CGNL1: variants seen among roughly 807,000 people sequenced by gnomAD.
CGNL1 encodes the protein cingulin like 1.
Under a neutral mutation model 141.2 loss-of-function variants are expected in CGNL1, and 132 were observed. That is an observed-to-expected ratio of 0.93 (90% CI 0.81 to 1.08). CGNL1 has a LOEUF of 1.08. Among genes scored for constraint, CGNL1 ranks in the 50% least tolerant of loss-of-function variants. CGNL1 has a pLI of 0.00. For synonymous variants in CGNL1, 690 were observed against 622.1 expected, an observed-to-expected ratio of 1.11 and a Z score of -1.63; for missense variants, 1,870 against 1,588.6, an observed-to-expected ratio of 1.18 and a Z score of -3.01.
rs141215118 is a variant in CGNL1, at chr15:57,486,396, C to T, written c.2403+24504C>T. 4.3e-3 allele frequency among the ~76,000 whole-genome samples: 648 copies of T among 152,134 alleles called. 3 individuals carry two copies. Among genetic ancestry groups the T allele is most frequent in the African/African-American group, 0.015 (606 of 41,482 alleles). ...AGGAAGAGGGGGTCAAATAAATCAGCGAGAAAGAGAGAAACAGTTGGAAAG... is the reference window on the plus strand; with the variant it reads ...AGGAAGAGGGGGTCAAATAAATCAGTGAGAAAGAGAGAAACAGTTGGAAAG... On this transcript the variant is annotated intron_variant, in intron 8 of 18. Transcript: ENST00000281282.
chr15:57,545,562 G>A (rs2032811977), intron 16 of CGNL1, 30 bp from the exon 17 acceptor site: 2 of 1,594,448 alleles, frequency 1.3e-6, no homozygotes, highest in Non-Finnish European at 1.7e-6. Context: ...GGGAGTGAGA[G>A]GGTTCTTGGT....
chr15:57,419,821 G>A (rs1261157036), intron 1 of CGNL1, among the ~76,000 whole-genome samples: 1 of 152,170 alleles, frequency 6.6e-6, no homozygotes, highest in Non-Finnish European at 1.5e-5. Context: ...GCTTCTGTGA[G>A]GAAGTCACTA....
chr15:57,383,595 C>CCTTTTCTTTTCTTTTCTTTTCTTTT (rs71441464), intron 1 of CGNL1, among the ~76,000 whole-genome samples: 2 of 107,652 alleles, frequency 1.9e-5, no homozygotes, highest in South Asian at 6.5e-4. Context: ...ACCACATCTG[C>CCTTTTCTTTTCTTTTCTTTTCTTTT]CTTTTCTTTT....
intron 1 of CGNL1, among the ~76,000 whole-genome samples, chr15:57,405,772 C>CTCTTTCTTTTTCTTTCTTTCTTTCTT (rs1447047398): frequency 3.2e-5 from 4 of 123,492 alleles, no homozygotes; most frequent in African/African-American, 1.3e-4. Flanking sequence ...TTCTTTCTTT[C>CTCTTTCTTTTTCTTTCTTTCTTTCTT]TCTTTCTTTC....
Position 57,440,435 on chromosome 15 carries a change from C to T in CGNL1, c.1661C>T (p.Thr554Ile), listed in dbSNP as rs1236614226. The T allele has an allele frequency of 6.2e-7, 1 of 1,600,052 alleles. No individual in the cohort carries two copies. Reference protein sequence around the residue: ...QELTQQTNEETAKQILYNYLK... With the variant: ...QELTQQTNEEIAKQILYNYLK... ...CTCACTCAGCAAACCAATGAGGAGA[C>T]AGCTAAGCAGATTCTCTACAATTAC... Residue 554 changes from threonine (T) to isoleucine (I), a missense_variant, in exon 3 of 19, where the codon ACA becomes ATA. By Grantham distance (89) the Thr-to-Ile change is moderately conservative (BLOSUM62 -1). Coordinates refer to ENST00000281282, the MANE Select transcript of CGNL1 (RefSeq NM_032866.5).
At chr15:57,430,380 G>A (rs1480901370) in intron 1 of CGNL1, among the ~76,000 whole-genome samples, 5 of 152,124 alleles carry the variant, frequency 3.3e-5, no homozygotes, top group African/African-American at 9.7e-5. Context: ...GCCTCAAGAG[G>A]TGAAAAGGAT....
rs2063129033 is a variant in CGNL1, at chr15:57,438,088, G to A, written c.89G>A (p.Arg30Lys). ...GCAAGTGATGATACCCAAAAATCAA[G>A]GAGTTCCCAGAACTCCAAGGCAGGC... ...RLASDDTQKS[R>K]SSQNSKAGSY... is the part of the protein sequence containing the mutation. The change falls in exon 2 of 19, where the codon AGG (arginine) becomes AAG (lysine). Residue 30 changes from arginine to lysine, a missense_variant. Transcript: ENST00000281282. 1.2e-6 allele frequency: 2 copies of A among 1,614,102 alleles called. No individual in the cohort carries two copies. Among genetic ancestry groups the A allele is most frequent in the South Asian group, 2.2e-5 (2 of 91,080 alleles).
At chr15:57,546,882 G>C (rs1471489015) in intron 18 of CGNL1, among the ~76,000 whole-genome samples, 6 of 152,118 alleles carry the variant, frequency 3.9e-5, no homozygotes, top group African/African-American at 1.4e-4. Flanking sequence ...CTCATCAATG[G>C]ACAGAAGGCT....
chr15:57,458,460 G>T (rs2063406152), intron 7 of CGNL1, among the ~76,000 whole-genome samples: 1 of 152,178 alleles, frequency 6.6e-6, no homozygotes, highest in African/African-American at 2.4e-5. Context: ...ACAGATAACA[G>T]CATGTCGTTG....
intron 8 of CGNL1, among the ~76,000 whole-genome samples, chr15:57,487,681 T>C (rs181099743): frequency 3.9e-5 from 6 of 152,356 alleles, no homozygotes; most frequent in African/African-American, 1.4e-4. Flanking sequence ...GCTAGCTTTG[T>C]AGATTGTGCT....
At chr15:57,533,796 G>A (rs2140189118) in intron 14 of CGNL1, among the ~76,000 whole-genome samples, 1 of 152,332 alleles carries the variant, frequency 6.6e-6, no homozygotes, top group South Asian at 2.1e-4. Flanking sequence ...TGTCCATGAT[G>A]TGGTCAAGGC....
At chr15:57,527,063 T>A (rs1012967711) in intron 12 of CGNL1, 3 of 152,240 alleles carry the variant, frequency 2.0e-5, no homozygotes, top group Non-Finnish European at 4.4e-5. Flanking sequence ...TTTTGTTTTT[T>A]GTTTTTTTAA....
At chr15:57,383,601 CTTT>C in intron 1 of CGNL1, among the ~76,000 whole-genome samples, 1 of 12,940 alleles carries the variant, frequency 7.7e-5, no homozygotes, top group African/African-American at 2.7e-4. Flanking sequence ...TCTGCCTTTT[CTTT>C]TCTTTTCTTT....
chr15:57,446,376 C>T (rs1244691514), intron 4 of CGNL1, among the ~76,000 whole-genome samples: 2 of 152,262 alleles, frequency 1.3e-5, no homozygotes, highest in South Asian at 2.1e-4. Context: ...ATAAATTGTC[C>T]CCCTTCCTTC....
rs1343148831 is a variant in CGNL1, at chr15:57,439,340, G to T, written c.1341G>T (p.Leu447=). ...GCGTGGGCCGCACCTTTGCAAAGCT[G>T]CAGGGAGCAGCGCACGGGGCTTCAT... The part of the protein sequence containing the change: ...KQSVGRTFAK[L]QGAAHGASCA... The change falls in exon 2 of 19, where the codon CTG becomes CTT. Residue 447 remains leucine, a synonymous_variant. Transcript: ENST00000281282. 5.0e-6 allele frequency: 8 copies of T among 1,614,034 alleles called. No individual in the cohort carries two copies. Among genetic ancestry groups the T allele is most frequent in the South Asian group, 1.1e-5 (1 of 91,094 alleles).
At chr15:57,519,647 G>A (rs1165883732) in intron 10 of CGNL1, among the ~76,000 whole-genome samples, 2 of 152,078 alleles carry the variant, frequency 1.3e-5, no homozygotes, top group Non-Finnish European at 2.9e-5. Flanking sequence ...AAATCTTGTG[G>A]GGTTGATTTT....
intron 8 of CGNL1, among the ~76,000 whole-genome samples, chr15:57,471,999 T>C (rs1164676476): frequency 2.0e-5 from 3 of 151,816 alleles, no homozygotes; most frequent in Non-Finnish European, 4.4e-5. Context: ...GCTACCAGGG[T>C]GTGTGAGGCA....
chr15:57,376,877 G>A (rs1252797455), intron 1 of CGNL1: 1 of 152,436 alleles, frequency 6.6e-6, no homozygotes, highest in Non-Finnish European at 1.5e-5. Flanking sequence ...AGTGAAGAGG[G>A]ACTTTCTGCC....
intron 6 of CGNL1, among the ~76,000 whole-genome samples, chr15:57,453,107 CT>C (rs199533376): frequency 8.6e-5 from 13 of 152,020 alleles, no homozygotes; most frequent in Non-Finnish European, 1.5e-4. Context: ...GTTTTGTAAA[CT>C]TTTTTTTCAT....
Sources: allele counts gnomAD v4.1 joint callset (sites outside exome capture counted in the v4.1 genomes callset), GRCh38; gene constraint gnomAD v4.1.1; transcripts MANE v1.5; gene names NCBI Gene and HGNC (gene_info 2026-07-23, HGNC 2026-07-21).